The following NEIL3 variants were observed in gnomAD, a reference collection of about 807,000 sequenced individuals.
NEIL3 encodes the protein nei like DNA glycosylase 3, also known as endonuclease 8-like 3.
NEIL3 carries 48 observed loss-of-function variants against 57.5 expected under a neutral mutation model. That is an observed-to-expected ratio of 0.83 (90% CI 0.66 to 1.06). NEIL3 has a LOEUF of 1.06. NEIL3 is among the 50% of genes least tolerant of loss of function. The probability of loss-of-function intolerance (pLI) is 0.00; values close to 1 mark genes in which losing one functional copy is unlikely to be tolerated. For missense variants in NEIL3, 717 were observed against 739.1 expected, an observed-to-expected ratio of 0.97 and a Z score of 0.35; for synonymous variants, 261 against 253.2, an observed-to-expected ratio of 1.03 and a Z score of -0.29.
At chr4:177,370,416 A>G in the NEIL3 span, among the ~76,000 whole-genome samples, 1 of 152,180 alleles carries the variant, frequency 6.6e-6, no homozygotes, top group Non-Finnish European at 1.5e-5. Flanking sequence ...GTTTCACCCC[A>G]TGATGGATCC....
intron 8 of NEIL3, among the ~76,000 whole-genome samples, chr4:177,359,980 T>C (rs1197246710): frequency 1.3e-5 from 2 of 152,218 alleles, no homozygotes; most frequent in Non-Finnish European, 2.9e-5. Flanking sequence ...TATAGTAGCC[T>C]TGATCAAAGA....
chr4:177,341,621 A>C lies in NEIL3; in HGVS notation c.848A>C (p.Asn283Thr). The C allele has an allele frequency of 6.2e-7, 1 of 1,613,348 alleles. No individual in the cohort carries two copies. Among genetic ancestry groups the C allele is most frequent in the Non-Finnish European group, 8.5e-7 (1 of 1,179,778 alleles). ...TTCTGTCCTCACTGTCAAAAAGAAA[A>C]TCCTCAACATGTTGACATATGGTAA... is the stretch of plus-strand genomic sequence containing the variant. ...TYFCPHCQKE[N>T]PQHVDICKLP... Residue 283 changes from asparagine to threonine, a missense_variant, in exon 6 of 10, where the codon AAT (asparagine) becomes ACT (threonine). Asn to Thr is a moderately conservative substitution (Grantham distance 65, BLOSUM62 0). Transcript: ENST00000264596.
chr4:177,365,784 G>T (rs1331699374), downstream of NEIL3, among the ~76,000 whole-genome samples: 3 of 152,114 alleles, frequency 2.0e-5, no homozygotes, highest in African/African-American at 7.2e-5. Context: ...GTGAAAATTG[G>T]TTCTGTCTTA....
chr4:177,329,819 T>C (rs1364210672), intron 2 of NEIL3, among the ~76,000 whole-genome samples: 1 of 152,076 alleles, frequency 6.6e-6, no homozygotes, highest in African/African-American at 2.4e-5. Flanking sequence ...GCAAAATGAG[T>C]CTTAACAAAT....
chr4:177,333,886 C>T (rs976456374), intron 2 of NEIL3, among the ~76,000 whole-genome samples: 3 of 152,190 alleles, frequency 2.0e-5, no homozygotes, highest in African/African-American at 2.4e-5. Context: ...TCTGAGAAAA[C>T]GACAGAGACC....
chr4:177,348,354 G>T (rs989852620), intron 6 of NEIL3, among the ~76,000 whole-genome samples: 16 of 152,082 alleles, frequency 1.1e-4, no homozygotes, highest in South Asian at 2.1e-4. Context: ...TCTGAGTTAG[G>T]GTGGGTAGTA....
At chr4:177,354,150 A>T (rs878939783) in intron 8 of NEIL3, 1 of 171,142 alleles carries the variant, frequency 5.8e-6, no homozygotes, top group African/African-American at 2.4e-5. Flanking sequence ...CAAACCCTAA[A>T]AGACTATTAT....
intron 1 of NEIL3, among the ~76,000 whole-genome samples, chr4:177,321,797 C>A (rs576597976): frequency 8.9e-4 from 135 of 152,250 alleles, no homozygotes; most frequent in African/African-American, 3.1e-3. Flanking sequence ...AGGTTTTTAT[C>A]TCTGATCTCC....
chr4:177,334,582 G>A (rs1370853378), intron 2 of NEIL3, among the ~76,000 whole-genome samples: 1 of 152,120 alleles, frequency 6.6e-6, no homozygotes, highest in Non-Finnish European at 1.5e-5. Context: ...TTTCACTGGG[G>A]TTGAACTTCC....
At chr4:177,357,767 C>G (rs7682807) in intron 8 of NEIL3, among the ~76,000 whole-genome samples, 38,727 of 151,946 alleles carry the variant, frequency 0.25, 5,761 homozygotes, top group East Asian at 0.72. Flanking sequence ...TTTGTGATAA[C>G]AAACTTAGAC....
At chr4:177,324,689 G>A (rs1003724758) in intron 2 of NEIL3, among the ~76,000 whole-genome samples, 15 of 152,050 alleles carry the variant, frequency 9.9e-5, no homozygotes, top group African/African-American at 2.2e-4. Flanking sequence ...CAACACAAAC[G>A]TCACTTGAAG....
At chr4:177,352,691 G>T (rs888790817) in intron 7 of NEIL3, among the ~76,000 whole-genome samples, 1 of 152,062 alleles carries the variant, frequency 6.6e-6, no homozygotes, top group Non-Finnish European at 1.5e-5. Context: ...TTAGCCAGGC[G>T]TGCTGGCGGG....
At chr4:177,343,172 G>T (rs1735132182) in intron 6 of NEIL3, 2 of 152,196 alleles carry the variant, frequency 1.3e-5, no homozygotes, top group Non-Finnish European at 2.9e-5. Flanking sequence ...TTTTCACATT[G>T]TGGGTCTGGG....
intron 2 of NEIL3, among the ~76,000 whole-genome samples, chr4:177,333,650 A>G (rs939686058): frequency 6.6e-6 from 1 of 152,172 alleles, no homozygotes; most frequent in Non-Finnish European, 1.5e-5. Context: ...GAAATCTTCT[A>G]TAGTCTTCCT....
At chr4:177,355,263 G>T (rs891114498) in intron 8 of NEIL3, among the ~76,000 whole-genome samples, 1 of 152,170 alleles carries the variant, frequency 6.6e-6, no homozygotes, top group Non-Finnish European at 1.5e-5. Flanking sequence ...TGGGAGACAG[G>T]CAGAGAAGGA....
At chr4:177,318,186 C>T (rs1164308851) in intron 1 of NEIL3, among the ~76,000 whole-genome samples, 2 of 152,256 alleles carry the variant, frequency 1.3e-5, no homozygotes, top group African/African-American at 4.8e-5. Flanking sequence ...TGGTAGAAAT[C>T]AGGATGGCTA....
chr4:177,344,890 T>C (rs1409604977), intron 6 of NEIL3, among the ~76,000 whole-genome samples: 1 of 152,132 alleles, frequency 6.6e-6, no homozygotes, highest in Admixed American at 6.5e-5. Flanking sequence ...ATTTGCTAGC[T>C]AATATAATTT....
intron 1 of NEIL3, among the ~76,000 whole-genome samples, chr4:177,319,620 G>A (rs1026270120): frequency 6.6e-6 from 1 of 151,860 alleles, no homozygotes; most frequent in African/African-American, 2.4e-5. Flanking sequence ...GTCCCTCCCC[G>A]CAAGTCCCCA....
At chr4:177,326,892 T>C (rs1734789808) in intron 2 of NEIL3, among the ~76,000 whole-genome samples, 1 of 152,214 alleles carries the variant, frequency 6.6e-6, no homozygotes, top group Non-Finnish European at 1.5e-5. Context: ...CCTTGTATCC[T>C]GCAACCTTGC....
Sources: gnomAD v4.1 joint callset for allele counts (sites outside exome capture counted in the v4.1 genomes callset) on GRCh38, gnomAD v4.1.1 for gene constraint, MANE v1.5 for transcripts, NCBI Gene and HGNC (gene_info 2026-07-23, HGNC 2026-07-21) for gene names.